RARB: variants seen among roughly 807,000 people sequenced by gnomAD.
RARB encodes the protein retinoic acid receptor beta, also known as HBV-activated protein.
A neutral mutation model predicts 51.9 loss-of-function variants in RARB; 17 were observed. That is an observed-to-expected ratio of 0.33 (90% confidence interval 0.22 to 0.49). The LOEUF (loss-of-function observed/expected upper bound fraction) is 0.49, where lower values mean the gene tolerates loss of function less well. Ranked by LOEUF, RARB falls within the 20% of genes least tolerant of loss-of-function variation. The probability of loss-of-function intolerance (pLI) is 0.99; values close to 1 mark genes in which losing one functional copy is unlikely to be tolerated. For missense variants in RARB, 369 were observed against 550.8 expected (o/e 0.67, Z 3.30); for synonymous variants, 215 against 195.4 (o/e 1.10, Z -0.84).
chr3:24,999,452 T>G (rs1002240127), intron 2 of RARB, among the ~76,000 whole-genome samples: 1 of 152,180 alleles, frequency 6.6e-6, no homozygotes, highest in Non-Finnish European at 1.5e-5. Context: ...ATTGCCCACA[T>G]AGCGTGGATA....
chr3:24,967,008 A>C (rs578217683), intron 2 of RARB, among the ~76,000 whole-genome samples: 1 of 152,270 alleles, frequency 6.6e-6, no homozygotes, highest in South Asian at 2.1e-4. Flanking sequence ...TCAAAATTAA[A>C]TGTGTCCATG....
At chr3:25,069,430 T>C (rs1698726248) in intron 3 of RARB, among the ~76,000 whole-genome samples, 1 of 152,206 alleles carries the variant, frequency 6.6e-6, no homozygotes, top group African/African-American at 2.4e-5. Flanking sequence ...TTGAATTAAC[T>C]GGCATATATT....
chr3:25,059,646 G>T (rs925920045), intron 2 of RARB, among the ~76,000 whole-genome samples: 5 of 151,758 alleles, frequency 3.3e-5, no homozygotes, highest in Non-Finnish European at 7.4e-5. Flanking sequence ...TCTAGGATAT[G>T]AGCATTGTGG....
At chr3:25,105,002 G>A (rs1464076360) in intron 3 of RARB, among the ~76,000 whole-genome samples, 2 of 152,106 alleles carry the variant, frequency 1.3e-5, no homozygotes, top group African/African-American at 4.8e-5. Flanking sequence ...AATTCATTGA[G>A]CTGTACACGT....
chr3:25,270,105 C>T (rs1208976487), intron 5 of RARB, among the ~76,000 whole-genome samples: 1 of 152,118 alleles, frequency 6.6e-6, no homozygotes, highest in Non-Finnish European at 1.5e-5. Context: ...GGCAGTTCTT[C>T]AAAATATTAA....
At chr3:24,999,420 C>T (rs1697110998) in intron 2 of RARB, among the ~76,000 whole-genome samples, 1 of 152,074 alleles carries the variant, frequency 6.6e-6, no homozygotes, top group South Asian at 2.1e-4. Context: ...TTTGGGACAG[C>T]AATGAAGAAA....
intron 5 of RARB, among the ~76,000 whole-genome samples, chr3:25,220,717 C>A (rs778023781): frequency 3.3e-5 from 5 of 152,192 alleles, no homozygotes; most frequent in Admixed American, 6.5e-5. Context: ...TGAGGCCTCC[C>A]AAGCCATACA....
intron 3 of RARB, among the ~76,000 whole-genome samples, chr3:25,552,490 C>T (rs1699887977): frequency 6.6e-6 from 1 of 152,014 alleles, no homozygotes; most frequent in Non-Finnish European, 1.5e-5. Flanking sequence ...ATTCTCGTGC[C>T]AGTGGCTTGT....
intron 5 of RARB, among the ~76,000 whole-genome samples, chr3:25,393,034 A>T (rs1707014956): frequency 6.6e-6 from 1 of 152,028 alleles, no homozygotes; most frequent in African/African-American, 2.4e-5. Flanking sequence ...TTTGTCATAG[A>T]TGGCTTTTAT....
At chr3:25,304,617 G>A (rs1704114774) in intron 5 of RARB, among the ~76,000 whole-genome samples, 1 of 152,180 alleles carries the variant, frequency 6.6e-6, no homozygotes, top group Admixed American at 6.6e-5. Flanking sequence ...AAGTCATCCA[G>A]AATCTAACCA....
chr3:25,129,444 T>A (rs990532767), intron 3 of RARB, among the ~76,000 whole-genome samples: 13 of 152,136 alleles, frequency 8.5e-5, no homozygotes, highest in Non-Finnish European at 1.9e-4. Context: ...AATGAGATTA[T>A]GTAGGTTCAA....
At chr3:25,312,487 A>C (rs1317552206) in intron 5 of RARB, among the ~76,000 whole-genome samples, 1 of 152,128 alleles carries the variant, frequency 6.6e-6, no homozygotes, top group African/African-American at 2.4e-5. Context: ...TCAAGTATAG[A>C]GGAAAAGTAA....
chr3:25,466,714 T>A (rs1249900836), intron 2 of RARB, among the ~76,000 whole-genome samples: 1 of 152,204 alleles, frequency 6.6e-6, no homozygotes, highest in Non-Finnish European at 1.5e-5. Context: ...CCAAATTGCT[T>A]CTGCAAAGAG....
At chr3:24,865,632 C>T (rs1294081991) in intron 2 of RARB, among the ~76,000 whole-genome samples, 2 of 152,150 alleles carry the variant, frequency 1.3e-5, no homozygotes, top group East Asian at 1.9e-4. Flanking sequence ...TTTATTATAA[C>T]TTAATACGTA....
At chr3:24,992,379 G>T (rs1388526384) in intron 2 of RARB, among the ~76,000 whole-genome samples, 2 of 151,974 alleles carry the variant, frequency 1.3e-5, no homozygotes, top group Non-Finnish European at 2.9e-5. Context: ...TCATCTTTCT[G>T]TCCTCTTAAA....
intron 5 of RARB, among the ~76,000 whole-genome samples, chr3:25,258,396 G>A (rs879584185): frequency 1.3e-5 from 2 of 152,150 alleles, no homozygotes; most frequent in Non-Finnish European, 1.5e-5. Context: ...TAGGCAGAAT[G>A]CAGGATTCCT....
At chr3:24,999,905 C>T (rs1697122438) in intron 2 of RARB, among the ~76,000 whole-genome samples, 1 of 151,924 alleles carries the variant, frequency 6.6e-6, no homozygotes, top group Non-Finnish European at 1.5e-5. Flanking sequence ...GCCTTTGATG[C>T]AAGGTAAAAA....
At chr3:25,449,244 G>A (rs1272914639) in intron 1 of RARB, among the ~76,000 whole-genome samples, 1 of 152,006 alleles carries the variant, frequency 6.6e-6, no homozygotes, top group African/African-American at 2.4e-5. Flanking sequence ...CTTAGCTGCT[G>A]CCATTCTCCC....
At chr3:25,415,449 A>AT (rs549023448) in intron 5 of RARB, among the ~76,000 whole-genome samples, 16 of 151,960 alleles carry the variant, frequency 1.1e-4, no homozygotes, top group South Asian at 2.1e-4. Flanking sequence ...TTCCAGCACC[A>AT]TTTTTTGGAA....
Sources: gnomAD v4.1 joint callset for allele counts (sites outside exome capture counted in the v4.1 genomes callset) on GRCh38, gnomAD v4.1.1 for gene constraint, MANE v1.5 for transcripts, NCBI Gene and HGNC (gene_info 2026-07-23, HGNC 2026-07-21) for gene names.